Variants in GRID2 observed in about 807,000 individuals in gnomAD.
GRID2 encodes glutamate ionotropic receptor delta type subunit 2.
GRID2 carries 33 observed loss-of-function variants against 114.8 expected under a neutral mutation model. The observed-to-expected ratio is 0.29, with a 90% CI of 0.22 to 0.38. The LOEUF (loss-of-function observed/expected upper bound fraction) is 0.38. Among genes scored for constraint, GRID2 ranks in the 10% least tolerant of loss-of-function variants. GRID2 has a pLI of 1.00. For missense variants in GRID2, 1,184 were observed against 1,257.7 expected, an observed-to-expected ratio of 0.94 and a Z score of 0.89; for synonymous variants, 505 against 449.9, an observed-to-expected ratio of 1.12 and a Z score of -1.55.
At chr4:92,567,544 T>G (rs1016436309) in intron 1 of GRID2, among the ~76,000 whole-genome samples, 2 of 152,008 alleles carry the variant, frequency 1.3e-5, no homozygotes, top group Non-Finnish European at 2.9e-5. Flanking sequence ...CTAATTGCAT[T>G]TAGAGAAATA....
At chr4:93,427,061 C>T (rs1457679799) in intron 10 of GRID2, among the ~76,000 whole-genome samples, 1 of 151,966 alleles carries the variant, frequency 6.6e-6, no homozygotes, top group African/African-American at 2.4e-5. Context: ...GAGCAGTCAA[C>T]ATTAGAAAAT....
intron 4 of GRID2, among the ~76,000 whole-genome samples, chr4:93,188,159 G>A (rs754285781): frequency 1.3e-4 from 20 of 152,206 alleles, no homozygotes; most frequent in Non-Finnish European, 2.6e-4. Flanking sequence ...TTGCCCTAAT[G>A]GGATCCCTCT....
intron 8 of GRID2, among the ~76,000 whole-genome samples, chr4:93,279,432 A>G (rs1289098644): frequency 6.6e-6 from 1 of 151,906 alleles, no homozygotes; most frequent in Non-Finnish European, 1.5e-5. Flanking sequence ...CAAAACAAAA[A>G]GTAGGTCATC....
intron 2 of GRID2, among the ~76,000 whole-genome samples, chr4:92,823,398 A>G (rs1298836355): frequency 1.3e-5 from 2 of 152,150 alleles, no homozygotes; most frequent in Admixed American, 6.6e-5. Context: ...TATTTGCTAA[A>G]TTTGTTAAAG....
chr4:92,772,919 C>T (rs1248587249), intron 2 of GRID2, among the ~76,000 whole-genome samples: 1 of 152,230 alleles, frequency 6.6e-6, no homozygotes, highest in African/African-American at 2.4e-5. Flanking sequence ...TCTACTTCAG[C>T]TTCCAATTGC....
At chr4:92,463,883 C>T (rs1721614960) in intron 1 of GRID2, among the ~76,000 whole-genome samples, 1 of 151,974 alleles carries the variant, frequency 6.6e-6, no homozygotes, top group Admixed American at 6.6e-5. Flanking sequence ...CATTCCCTAT[C>T]TTGAGAATCT....
At chr4:92,475,748 A>G (rs996677093) in intron 1 of GRID2, among the ~76,000 whole-genome samples, 1 of 151,986 alleles carries the variant, frequency 6.6e-6, no homozygotes, top group Admixed American at 6.6e-5. Flanking sequence ...TTGAATTTTT[A>G]TATCACTTTG....
At chr4:93,072,902 C>T (rs539658501) in intron 2 of GRID2, among the ~76,000 whole-genome samples, 1 of 152,194 alleles carries the variant, frequency 6.6e-6, no homozygotes, top group South Asian at 2.1e-4. Context: ...GAAATATAAA[C>T]AAATGTCTAA....
intron 10 of GRID2, among the ~76,000 whole-genome samples, chr4:93,433,108 C>T (rs1263887474): frequency 6.6e-6 from 1 of 152,122 alleles, no homozygotes; most frequent in Non-Finnish European, 1.5e-5. Flanking sequence ...AACAAATGTA[C>T]CTCACCAATG....
At chr4:92,994,071 G>A (rs755928857) in intron 2 of GRID2, among the ~76,000 whole-genome samples, 2 of 152,110 alleles carry the variant, frequency 1.3e-5, no homozygotes, top group Admixed American at 6.6e-5. Context: ...TTTGAAGGTT[G>A]CAGGTGTTTG....
chr4:92,719,360 A>G (rs1735703558), intron 2 of GRID2, among the ~76,000 whole-genome samples: 1 of 152,178 alleles, frequency 6.6e-6, no homozygotes. Flanking sequence ...CCATATGTTT[A>G]TAGAAAGCAT....
At chr4:92,922,252 TC>T in intron 2 of GRID2, among the ~76,000 whole-genome samples, 1 of 152,286 alleles carries the variant, frequency 6.6e-6, no homozygotes, top group South Asian at 2.1e-4. Context: ...GTCACCCCTT[TC>T]TTTGACTAGG....
intron 1 of GRID2, among the ~76,000 whole-genome samples, chr4:92,585,335 C>T (rs1317701123): frequency 6.6e-6 from 1 of 151,808 alleles, no homozygotes; most frequent in Non-Finnish European, 1.5e-5. Flanking sequence ...TTTATGATTA[C>T]CTACCATATA....
At chr4:93,591,835 T>G (rs1392177581) in intron 13 of GRID2, among the ~76,000 whole-genome samples, 2 of 152,340 alleles carry the variant, frequency 1.3e-5, no homozygotes, top group South Asian at 4.1e-4. Context: ...TTTTTTAGTT[T>G]ATTTGCGTAG....
At chr4:93,321,525 C>T (rs1294822392) in intron 8 of GRID2, among the ~76,000 whole-genome samples, 1 of 151,960 alleles carries the variant, frequency 6.6e-6, no homozygotes, top group African/African-American at 2.4e-5. Context: ...TGCATAAAAA[C>T]AAAACAAATT....
At chr4:93,149,694 C>A (rs1489081930) in intron 4 of GRID2, among the ~76,000 whole-genome samples, 3 of 151,968 alleles carry the variant, frequency 2.0e-5, no homozygotes, top group African/African-American at 7.3e-5. Flanking sequence ...AGTATGGTGG[C>A]ACAATCATAA....
intron 2 of GRID2, among the ~76,000 whole-genome samples, chr4:92,693,799 T>A (rs1171689470): frequency 6.6e-6 from 1 of 152,248 alleles, no homozygotes; most frequent in Non-Finnish European, 1.5e-5. Context: ...ATGCTTACTA[T>A]GTTAAAATAC....
At chr4:93,686,804 G>A (rs899871673) in intron 14 of GRID2, among the ~76,000 whole-genome samples, 16 of 151,976 alleles carry the variant, frequency 1.1e-4, no homozygotes, top group African/African-American at 3.6e-4. Context: ...TGCATTTTGA[G>A]TAGAGGCCAA....
At chr4:93,425,879 A>G (rs1768795465) in intron 10 of GRID2, among the ~76,000 whole-genome samples, 1 of 152,138 alleles carries the variant, frequency 6.6e-6, no homozygotes, top group East Asian at 1.9e-4. Context: ...TTTCAAGGGT[A>G]CCCTGCAGTT....
Sources: allele counts gnomAD v4.1 joint callset (sites outside exome capture counted in the v4.1 genomes callset), GRCh38; gene constraint gnomAD v4.1.1; transcripts MANE v1.5; gene names NCBI Gene and HGNC (gene_info 2026-07-23, HGNC 2026-07-21).